The following MAGI2 variants were observed in gnomAD, a reference collection of about 807,000 sequenced individuals.
MAGI2 encodes the protein membrane-associated guanylate kinase, WW and PDZ domain-containing protein 2.
In MAGI2, 35 loss-of-function variants were observed where a neutral mutation model predicts 133.3. The observed-to-expected ratio is 0.26, with a 90% CI of 0.20 to 0.35. The LOEUF (loss-of-function observed/expected upper bound fraction) is 0.35, where lower values mean the gene tolerates loss of function less well. Among genes scored for constraint, MAGI2 ranks in the 10% least tolerant of loss-of-function variants. The probability of loss-of-function intolerance (pLI) is 1.00; values close to 1 mark genes in which losing one functional copy is unlikely to be tolerated. For missense variants in MAGI2, 1,636 were observed against 1,863.4 expected, an observed-to-expected ratio of 0.88 and a Z score of 2.25; for synonymous variants, 729 against 710.6, an observed-to-expected ratio of 1.03 and a Z score of -0.41.
chr7:79,102,259 T>C (rs1254682791), intron 1 of MAGI2, among the ~76,000 whole-genome samples: 1 of 152,214 alleles, frequency 6.6e-6, no homozygotes, highest in East Asian at 1.9e-4. Context: ...TACTTTCAGA[T>C]GTTGCCAACT....
chr7:78,431,105 T>TGTG (rs1562984625), intron 6 of MAGI2, among the ~76,000 whole-genome samples: 1 of 151,580 alleles, frequency 6.6e-6, no homozygotes, highest in African/African-American at 2.4e-5. Context: ...TGTGTGTGTG[T>TGTG]TTTAAGCAAA....
chr7:79,049,597 A>AT (rs1169352836), intron 1 of MAGI2, among the ~76,000 whole-genome samples: 2 of 151,820 alleles, frequency 1.3e-5, no homozygotes, highest in Admixed American at 6.6e-5. Flanking sequence ...ATTAATTTAG[A>AT]TTTTTTCTTT....
chr7:78,944,011 GT>G lies in MAGI2; in HGVS notation c.418+63078del, dbSNP rs1338013525. 2.0e-5 allele frequency among the ~76,000 whole-genome samples: 3 copies of G among 152,126 alleles called. No individual in the cohort carries two copies. In the East Asian group the frequency reaches 5.8e-4, roughly 29 times the overall value. On this transcript the variant is annotated intron_variant, in intron 2 of 21. Coordinates refer to ENST00000354212, the MANE Select transcript of MAGI2 (RefSeq NM_012301.4). ...GAGAAAGTTTCACATCATTTTTACTGTTATATTTTCAGAACTTGGCTTATAG... is the reference window on the plus strand; with the variant it reads ...GAGAAAGTTTCACATCATTTTTACTGTATATTTTCAGAACTTGGCTTATAG...
intron 1 of MAGI2, among the ~76,000 whole-genome samples, chr7:79,263,760 G>C (rs1462201031): frequency 6.6e-6 from 1 of 152,028 alleles, no homozygotes; most frequent in Non-Finnish European, 1.5e-5. Context: ...TTGACACCCT[G>C]AGGCTATACT....
At chr7:78,382,757 CT>C (rs372371454) in intron 6 of MAGI2, among the ~76,000 whole-genome samples, 13 of 152,048 alleles carry the variant, frequency 8.5e-5, no homozygotes, top group African/African-American at 3.1e-4. Context: ...TCAGCCTCCC[CT>C]CAACTTCCAC....
chr7:79,044,005 A>G (rs1811937571), intron 1 of MAGI2, among the ~76,000 whole-genome samples: 1 of 152,188 alleles, frequency 6.6e-6, no homozygotes, highest in Non-Finnish European at 1.5e-5. Flanking sequence ...CATACAGAGA[A>G]GAGATGGTAT....
intron 10 of MAGI2, among the ~76,000 whole-genome samples, chr7:78,242,951 G>T (rs1791311961): frequency 6.6e-6 from 1 of 151,824 alleles, no homozygotes; most frequent in Non-Finnish European, 1.5e-5. Context: ...ATATGCCTGT[G>T]GTCCCAGCTA....
chr7:79,344,482 G>A (rs1173943933), intron 1 of MAGI2, among the ~76,000 whole-genome samples: 4 of 152,110 alleles, frequency 2.6e-5, no homozygotes, highest in Non-Finnish European at 4.4e-5. Context: ...AATTGTGATG[G>A]TGTCATAGAG....
intron 3 of MAGI2, among the ~76,000 whole-genome samples, chr7:78,573,299 T>A (rs1380780308): frequency 3.6e-5 from 2 of 54,940 alleles, no homozygotes; most frequent in African/African-American, 8.7e-5. Flanking sequence ...TAAATATATA[T>A]ATTTATATAT....
intron 1 of MAGI2, among the ~76,000 whole-genome samples, chr7:79,425,733 A>G (rs1847324312): frequency 6.6e-6 from 1 of 151,968 alleles, no homozygotes; most frequent in African/African-American, 2.4e-5. Flanking sequence ...TATCTGCTTA[A>G]CATCGTGTTT....
chr7:79,166,679 G>A (rs1358318174), intron 1 of MAGI2, among the ~76,000 whole-genome samples: 3 of 152,036 alleles, frequency 2.0e-5, no homozygotes, highest in Admixed American at 6.6e-5. Context: ...AAGGTGGGGG[G>A]AAAAATCCTT....
chr7:78,654,621 A>G (rs1435222876), intron 2 of MAGI2, among the ~76,000 whole-genome samples: 1 of 150,130 alleles, frequency 6.7e-6, no homozygotes, highest in Non-Finnish European at 1.5e-5. Context: ...ACTAGCCCAT[A>G]GCCCCATTTC....
chr7:78,589,579 G>A (rs543469407), intron 3 of MAGI2, among the ~76,000 whole-genome samples: 5 of 152,108 alleles, frequency 3.3e-5, no homozygotes, highest in South Asian at 2.1e-4. Flanking sequence ...CCCTAATTCC[G>A]TGAGTGAGAG....
At chr7:79,143,818 C>T (rs2129546393) in intron 1 of MAGI2, among the ~76,000 whole-genome samples, 1 of 152,168 alleles carries the variant, frequency 6.6e-6, no homozygotes, top group Non-Finnish European at 1.5e-5. Context: ...TTCAATATTA[C>T]TATCATGCAA....
At chr7:79,112,636 T>G (rs1384689925) in intron 1 of MAGI2, among the ~76,000 whole-genome samples, 1 of 152,186 alleles carries the variant, frequency 6.6e-6, no homozygotes, top group Non-Finnish European at 1.5e-5. Context: ...AATTTGCCCA[T>G]ATTAAATTTG....
chr7:79,420,311 TG>T (rs1846860524), intron 1 of MAGI2, among the ~76,000 whole-genome samples: 1 of 152,024 alleles, frequency 6.6e-6, no homozygotes, highest in African/African-American at 2.4e-5. Flanking sequence ...TGGATATTGC[TG>T]AACAAATATA....
intron 6 of MAGI2, among the ~76,000 whole-genome samples, chr7:78,435,379 T>TGAAG (rs1800184698): frequency 6.6e-6 from 1 of 152,164 alleles, no homozygotes. Context: ...TTCACGTCTG[T>TGAAG]GAAGGACACT....
chr7:79,016,679 T>G (rs1040746879), intron 1 of MAGI2, among the ~76,000 whole-genome samples: 5 of 152,086 alleles, frequency 3.3e-5, no homozygotes, highest in African/African-American at 4.8e-5. Flanking sequence ...CAGCTGCCAG[T>G]GTGAGTGAAC....
At chr7:79,443,946 G>A (rs1748547666) in intron 1 of MAGI2, among the ~76,000 whole-genome samples, 1 of 152,080 alleles carries the variant, frequency 6.6e-6, no homozygotes, top group Non-Finnish European at 1.5e-5. Flanking sequence ...TCATATGCAT[G>A]TGTTTCACTA....
Sources: gnomAD v4.1 joint callset for allele counts (sites outside exome capture counted in the v4.1 genomes callset) on GRCh38, gnomAD v4.1.1 for gene constraint, MANE v1.5 for transcripts, NCBI Gene and HGNC (gene_info 2026-07-23, HGNC 2026-07-21) for gene names.